ARHGAP24: variants seen among roughly 807,000 people sequenced by gnomAD.
ARHGAP24 encodes the protein rho GTPase-activating protein 24.
Under a neutral mutation model 76.4 loss-of-function variants are expected in ARHGAP24, and 50 were observed. The observed-to-expected ratio is 0.65, with a 90% CI of 0.52 to 0.83. The LOEUF (loss-of-function observed/expected upper bound fraction) is 0.83. Ranked by LOEUF, ARHGAP24 falls within the 40% of genes least tolerant of loss-of-function variation. ARHGAP24 has a pLI of 0.00. For missense variants in ARHGAP24, 930 were observed against 914.2 expected (o/e 1.02, Z -0.22); for synonymous variants, 345 against 323.3 (o/e 1.07, Z -0.72).
intron 2 of ARHGAP24, among the ~76,000 whole-genome samples, chr4:85,656,118 A>G (rs574231200): frequency 1.2e-4 from 19 of 152,262 alleles, no homozygotes; most frequent in African/African-American, 4.6e-4. Context: ...ATCAAAGTAT[A>G]TTTTGTAAAT....
chr4:85,935,379 G>A (rs1406480679), intron 4 of ARHGAP24, among the ~76,000 whole-genome samples: 1 of 152,172 alleles, frequency 6.6e-6, no homozygotes, highest in East Asian at 1.9e-4. Context: ...CTATTAAGTT[G>A]TAGGTGCCCC....
intron 1 of ARHGAP24, among the ~76,000 whole-genome samples, chr4:85,508,862 A>C (rs928374552): frequency 1.3e-5 from 2 of 151,850 alleles, no homozygotes; most frequent in Non-Finnish European, 2.9e-5. Context: ...TCCTCCACCC[A>C]CATTCCAAGG....
At chr4:85,741,294 A>G (rs1725816699) in intron 3 of ARHGAP24, among the ~76,000 whole-genome samples, 1 of 152,200 alleles carries the variant, frequency 6.6e-6, no homozygotes, top group South Asian at 2.1e-4. Flanking sequence ...TTTTGCTGTT[A>G]GGAAAAATGG....
At chr4:85,736,072 T>C (rs933878303) in intron 3 of ARHGAP24, among the ~76,000 whole-genome samples, 11 of 152,214 alleles carry the variant, frequency 7.2e-5, no homozygotes, top group African/African-American at 2.7e-4. Context: ...TCCCTCTTTT[T>C]AGAATGGCTC....
rs767857212 is a variant in ARHGAP24, at chr4:85,923,704, A to G, written c.325A>G (p.Thr109Ala). The G allele has an allele frequency of 2.5e-6, 4 of 1,613,994 alleles. No individual in the cohort carries two copies. Among genetic ancestry groups the G allele is most frequent in the Non-Finnish European group, 2.5e-6 (3 of 1,179,952 alleles). Reference protein sequence around the residue: ...NHESYLLMASTQNDMEDWVKS... With the variant: ...NHESYLLMASAQNDMEDWVKS... ...TGAAAGCTACCTCCTCATGGCAAGC[A>G]CCCAGAATGATATGGAAGACTGGGT... The change falls in exon 4 of 10, where the codon ACC becomes GCC. Residue 109 changes from threonine to alanine, a missense_variant. Coordinates refer to ENST00000395184, the MANE Select transcript of ARHGAP24 (RefSeq NM_001025616.3).
intron 1 of ARHGAP24, among the ~76,000 whole-genome samples, chr4:85,505,939 A>G (rs1328143821): frequency 1.3e-5 from 2 of 151,972 alleles, no homozygotes; most frequent in African/African-American, 4.8e-5. Context: ...TGTTGATGCT[A>G]TTCCTTTCTG....
intron 2 of ARHGAP24, among the ~76,000 whole-genome samples, chr4:85,589,992 AATTTAGATT>A (rs1728017450): frequency 6.6e-6 from 1 of 152,214 alleles, no homozygotes; most frequent in South Asian, 2.1e-4. Flanking sequence ...TTTGCATGTT[AATTTAGATT>A]ATCCCTCTTT....
intron 1 of ARHGAP24, among the ~76,000 whole-genome samples, chr4:85,561,477 G>C (rs1264275070): frequency 6.6e-6 from 1 of 152,170 alleles, no homozygotes; most frequent in Non-Finnish European, 1.5e-5. Context: ...AGAGTGAGGG[G>C]ACAGAAAGTG....
intron 3 of ARHGAP24, among the ~76,000 whole-genome samples, chr4:85,769,324 C>T (rs983505790): frequency 1.3e-5 from 2 of 152,124 alleles, no homozygotes; most frequent in Admixed American, 1.3e-4. Context: ...TATCATTGCA[C>T]TTGTTTTTCT....
intron 3 of ARHGAP24, among the ~76,000 whole-genome samples, chr4:85,804,134 A>G (rs1728693164): frequency 6.6e-6 from 1 of 151,860 alleles, no homozygotes; most frequent in South Asian, 2.1e-4. Context: ...TTCCTTAAAT[A>G]GCGTTTTATA....
chr4:85,691,294 A>C (rs189877224), intron 2 of ARHGAP24, among the ~76,000 whole-genome samples: 2 of 152,140 alleles, frequency 1.3e-5, no homozygotes, highest in Admixed American at 6.5e-5. Flanking sequence ...AATATGTTCC[A>C]TATGCAGATG....
At chr4:85,583,181 C>A (rs999441190) in intron 2 of ARHGAP24, among the ~76,000 whole-genome samples, 30 of 152,146 alleles carry the variant, frequency 2.0e-4, no homozygotes, top group Non-Finnish European at 3.7e-4. Flanking sequence ...TCAAACTATT[C>A]CTCAGTTTCA....
intron 1 of ARHGAP24, among the ~76,000 whole-genome samples, chr4:85,510,329 T>C (rs2062081): frequency 6.6e-6 from 1 of 151,988 alleles, no homozygotes; most frequent in Non-Finnish European, 1.5e-5. Flanking sequence ...AAATATTTGC[T>C]ATGCATGCCA....
chr4:85,987,717 G>T lies in ARHGAP24; in HGVS notation c.929-6866G>T, dbSNP rs568359628. On this transcript the variant is annotated intron_variant, in intron 8 of 9. Coordinates refer to ENST00000395184, the MANE Select transcript of ARHGAP24 (RefSeq NM_001025616.3). The stretch of plus-strand genomic sequence containing the variant: ...AGCAGGTTAGGAGAAAACTTAAAAA[G>T]AATAAATTCAGACTTATAAAAATTT... Among the ~76,000 whole-genome samples the T allele has an allele frequency of 4.6e-5, 7 of 151,952 alleles. No individual in the cohort carries two copies. In the South Asian group the frequency reaches 1.5e-3, roughly 31 times the overall value.
At chr4:85,791,822 G>A (rs983824451) in intron 3 of ARHGAP24, among the ~76,000 whole-genome samples, 5 of 152,056 alleles carry the variant, frequency 3.3e-5, no homozygotes, top group African/African-American at 1.2e-4. Context: ...CGGACATGGA[G>A]GCAAAAAAAA....
At chr4:85,732,089 C>A (rs1354944587) in intron 3 of ARHGAP24, among the ~76,000 whole-genome samples, 1 of 152,094 alleles carries the variant, frequency 6.6e-6, no homozygotes, top group South Asian at 2.1e-4. Flanking sequence ...TTCTTTTATC[C>A]AATAATTGAA....
chr4:85,880,088 A>C (rs1038792483), intron 3 of ARHGAP24, among the ~76,000 whole-genome samples: 26 of 152,328 alleles, frequency 1.7e-4, no homozygotes, highest in African/African-American at 6.0e-4. Flanking sequence ...TTTCCTATAC[A>C]TGCATACCTA....
rs1242243031 is a variant in ARHGAP24, at chr4:85,874,787, TATATAATTTATATATAAAATATATTTA to T, written c.269-48860_269-48834del. Among the ~76,000 whole-genome samples the T allele has an allele frequency of 4.9e-3, 217 of 43,880 alleles. 28 individuals carry two copies. Among genetic ancestry groups the T allele is most frequent in the African/African-American group, 0.015 (147 of 9,834 alleles). 28.8% of individuals were successfully genotyped at this position (43,880 alleles called of 152,430 possible). A position where few individuals can be genotyped will look rare whatever the true frequency, so the allele number is the denominator to read the frequency against. ...ATAATTTATATATAAAATATATTTA[TATATAATTTATATATAAAATATATTTA>T]TATATAATTTATATATAAAATATAT... is the stretch of plus-strand genomic sequence containing the variant. On this transcript the variant is annotated intron_variant, in intron 3 of 9. Transcript: ENST00000395184.
chr4:85,875,590 T>C (rs1348031620), intron 3 of ARHGAP24, among the ~76,000 whole-genome samples: 1 of 112,108 alleles, frequency 8.9e-6, no homozygotes, highest in East Asian at 2.2e-4. Flanking sequence ...ATATATATTT[T>C]ATATTATATT....
Sources: allele counts gnomAD v4.1 joint callset (sites outside exome capture counted in the v4.1 genomes callset), GRCh38; gene constraint gnomAD v4.1.1; transcripts MANE v1.5; gene names NCBI Gene and HGNC (gene_info 2026-07-23, HGNC 2026-07-21).